Variants in SNTG1 observed in about 807,000 individuals in gnomAD.
The protein encoded by SNTG1 is gamma-1-syntrophin.
A neutral mutation model predicts 74.7 loss-of-function variants in SNTG1; 39 were observed. The ratio of observed to expected loss-of-function variants is 0.52; its 90% CI spans 0.40 to 0.68. The LOEUF (loss-of-function observed/expected upper bound fraction) is 0.68, where lower values mean the gene tolerates loss of function less well. Among genes scored for constraint, SNTG1 ranks in the 30% least tolerant of loss-of-function variants. The probability of loss-of-function intolerance (pLI) is 0.00; values close to 1 mark genes in which losing one functional copy is unlikely to be tolerated. For synonymous variants in SNTG1, 254 were observed against 217.1 expected (o/e 1.17, Z -1.49); for missense variants, 685 against 609.5 (o/e 1.12, Z -1.30).
At chr8:50,405,347 A>T (rs1287833831) in intron 4 of SNTG1, among the ~76,000 whole-genome samples, 1 of 152,106 alleles carries the variant, frequency 6.6e-6, no homozygotes, top group Non-Finnish European at 1.5e-5. Flanking sequence ...CTATCCAAAT[A>T]AGTGTGAGGT....
intron 18 of SNTG1, among the ~76,000 whole-genome samples, chr8:50,766,774 G>A (rs944931833): frequency 6.6e-6 from 1 of 151,762 alleles, no homozygotes; most frequent in Admixed American, 6.6e-5. Flanking sequence ...GTCCTCCCAT[G>A]CATCCAAGAA....
intron 18 of SNTG1, among the ~76,000 whole-genome samples, chr8:50,761,253 C>T (rs1260426702): frequency 1.3e-5 from 2 of 151,894 alleles, no homozygotes; most frequent in African/African-American, 4.8e-5. Flanking sequence ...TTCACATAAA[C>T]AGAACCAATG....
At chr8:50,608,947 T>C (rs1471516634) in intron 13 of SNTG1, among the ~76,000 whole-genome samples, 1 of 152,004 alleles carries the variant, frequency 6.6e-6, no homozygotes, top group Non-Finnish European at 1.5e-5. Flanking sequence ...TTTATACTGA[T>C]TTAATTTTGG....
intron 1 of SNTG1, among the ~76,000 whole-genome samples, chr8:50,018,740 T>C (rs1472476485): frequency 1.3e-5 from 2 of 152,014 alleles, no homozygotes; most frequent in Non-Finnish European, 2.9e-5. Flanking sequence ...ATCATATATA[T>C]GGATCTAGAT....
At chr8:50,750,014 C>T (rs1021895830) in intron 17 of SNTG1, among the ~76,000 whole-genome samples, 2 of 151,978 alleles carry the variant, frequency 1.3e-5, no homozygotes, top group African/African-American at 4.8e-5. Context: ...TCTGATGGAT[C>T]TTGGCAGTCA....
chr8:50,596,655 C>A (rs545854522), intron 13 of SNTG1, among the ~76,000 whole-genome samples: 1 of 152,108 alleles, frequency 6.6e-6, no homozygotes, highest in African/African-American at 2.4e-5. Context: ...TATCTCATGA[C>A]ACAAATACAA....
intron 13 of SNTG1, among the ~76,000 whole-genome samples, chr8:50,639,980 A>C (rs1395609738): frequency 1.3e-5 from 2 of 152,130 alleles, no homozygotes; most frequent in African/African-American, 4.8e-5. Context: ...TTTGGTCATA[A>C]AATTTCTTAA....
intron 11 of SNTG1, among the ~76,000 whole-genome samples, chr8:50,549,174 C>T (rs888765710): frequency 2.6e-5 from 4 of 152,100 alleles, no homozygotes; most frequent in East Asian, 1.9e-4. Flanking sequence ...CTTGAAAAAG[C>T]TCCTGATGTA....
intron 2 of SNTG1, among the ~76,000 whole-genome samples, chr8:50,256,801 T>C (rs970744818): frequency 4.7e-4 from 71 of 151,842 alleles, no homozygotes; most frequent in Non-Finnish European, 9.1e-4. Context: ...TGTGTGTGTG[T>C]GTCTGTGTGT....
chr8:50,678,454 G>T (rs2095317926), intron 15 of SNTG1, among the ~76,000 whole-genome samples: 1 of 152,044 alleles, frequency 6.6e-6, no homozygotes, highest in Admixed American at 6.6e-5. Flanking sequence ...TGGAAAATGT[G>T]GTTGGACAGG....
At chr8:50,244,687 C>T (rs1259709514) in intron 2 of SNTG1, among the ~76,000 whole-genome samples, 1 of 152,154 alleles carries the variant, frequency 6.6e-6, no homozygotes, top group East Asian at 1.9e-4. Flanking sequence ...TCATGGGCTC[C>T]AACCTGAATA....
chr8:50,521,435 A>G (rs891294030), intron 9 of SNTG1, among the ~76,000 whole-genome samples: 16 of 152,036 alleles, frequency 1.1e-4, no homozygotes, highest in African/African-American at 3.4e-4. Context: ...AATTTTTGCT[A>G]AAACATGCTA....
intron 1 of SNTG1, among the ~76,000 whole-genome samples, chr8:50,020,707 T>C (rs942457217): frequency 6.6e-6 from 1 of 152,148 alleles, no homozygotes; most frequent in African/African-American, 2.4e-5. Flanking sequence ...CCTGCATAGA[T>C]TGATGATTTG....
chr8:50,676,134 T>C (rs564489645), intron 15 of SNTG1, among the ~76,000 whole-genome samples: 1 of 151,966 alleles, frequency 6.6e-6, no homozygotes, highest in East Asian at 1.9e-4. Context: ...TCATAGAGTA[T>C]CTTAGTGTTG....
chr8:50,571,202 G>A (rs1399129650), intron 12 of SNTG1, among the ~76,000 whole-genome samples: 1 of 152,118 alleles, frequency 6.6e-6, no homozygotes, highest in African/African-American at 2.4e-5. Flanking sequence ...CCCTGCACAG[G>A]GGCCACCCCA....
At chr8:50,126,642 T>C (rs1348091674) in intron 1 of SNTG1, among the ~76,000 whole-genome samples, 1 of 151,868 alleles carries the variant, frequency 6.6e-6, no homozygotes, top group Non-Finnish European at 1.5e-5. Flanking sequence ...ATGTTTCATA[T>C]ATTATATATT....
rs550871080 is a variant in SNTG1 at position 50,214,175 on chromosome 8, G to A, written c.-28+41540G>A. On this transcript the variant is annotated intron_variant, in intron 2 of 18. Coordinates refer to ENST00000642720, the MANE Select transcript of SNTG1 (RefSeq NM_018967.5). ...TCACAAGAACAAAAAACCAAACACC[G>A]CATATTCTCACTCATAGGTGGGAAT... 3.3e-3 allele frequency among the ~76,000 whole-genome samples: 478 copies of A among 144,566 alleles called. 3 individuals carry two copies. Among genetic ancestry groups the A allele is most frequent in the African/African-American group, 5.3e-3 (206 of 38,956 alleles). The allele number at this position is 144,566 out of a possible 152,430, so 94.8% of individuals were successfully genotyped here.
In SNTG1 at chr8:50,362,036, T is replaced by C. The variant is rs371269738; in HGVS notation, c.-27-32176T>C. 1.0e-3 allele frequency among the ~76,000 whole-genome samples: 155 copies of C among 152,304 alleles called. 1 individual carries two copies. Among genetic ancestry groups the C allele is most frequent in the African/African-American group, 3.3e-3 (137 of 41,574 alleles). ...AGTGAACATCTCTATGTAGCACCTG[T>C]CTGTGATACTTTCTTGTTTTCTTAT... On this transcript the variant is annotated intron_variant, in intron 2 of 18. Transcript: ENST00000642720.
intron 2 of SNTG1, among the ~76,000 whole-genome samples, chr8:50,263,502 A>G (rs934216274): frequency 1.3e-5 from 2 of 152,168 alleles, no homozygotes; most frequent in Admixed American, 1.3e-4. Context: ...ACACACGTAA[A>G]TTGAAACTAA....
Sources: allele counts gnomAD v4.1 joint callset (sites outside exome capture counted in the v4.1 genomes callset), GRCh38; gene constraint gnomAD v4.1.1; transcripts MANE v1.5; gene names NCBI Gene and HGNC (gene_info 2026-07-23, HGNC 2026-07-21).